Variants in RAC2 observed in about 807,000 individuals in gnomAD.
RAC2 encodes ras-related C3 botulinum toxin substrate 2.
Under a neutral mutation model 24.0 loss-of-function variants are expected in RAC2, and 1 was observed. The observed-to-expected ratio is 0.04, with a 90% CI of 0.01 to 0.20. The LOEUF is 0.20. Among genes scored for constraint, RAC2 ranks in the 10% least tolerant of loss-of-function variants. The pLI is 1.00. For missense variants in RAC2, 130 were observed against 259.1 expected, an observed-to-expected ratio of 0.50 and a Z score of 3.42; for synonymous variants, 114 against 106.8, an observed-to-expected ratio of 1.07 and a Z score of -0.41.
rs192595342 is a variant in RAC2, at chr22:37,236,071, C to T, written c.108-3153G>A. ...CACAGAGTTCCTTGGGAAGCCAGGA[C>T]ATCCTGGCTGTGTGACCCTGGGTGA... On this transcript the variant is annotated intron_variant, in intron 2 of 6. Coordinates refer to ENST00000249071, the MANE Select transcript of RAC2 (RefSeq NM_002872.5). Among the ~76,000 whole-genome samples, 8 of 152,324 alleles carry T rather than the reference C, an allele frequency of 5.3e-5. No individual in the cohort carries two copies. The East Asian group carries it at 1.5e-3, about 29-fold the overall frequency.
chr22:37,243,639 G>T (rs374379711), intron 1 of RAC2, among the ~76,000 whole-genome samples: 67 of 152,284 alleles, frequency 4.4e-4, no homozygotes, highest in African/African-American at 1.5e-3. Context: ...CCAGGGCATA[G>T]GCCTCCTCCC....
At chr22:37,234,901 C>T (rs924581960) in intron 2 of RAC2, among the ~76,000 whole-genome samples, 4 of 152,214 alleles carry the variant, frequency 2.6e-5, no homozygotes, top group African/African-American at 9.6e-5. Flanking sequence ...TCTGGCGGAG[C>T]TTCGTCGTCC....
intron 2 of RAC2, 73 bp from the exon 3 acceptor site, chr22:37,232,991 A>C: frequency 2.6e-6 from 3 of 1,164,638 alleles, no homozygotes; most frequent in South Asian, 1.2e-5. Flanking sequence ...GTCCAGCTCC[A>C]TGTCATTCCT....
chr22:37,230,062 A>G (rs2284037), intron 5 of RAC2, among the ~76,000 whole-genome samples: 61,010 of 151,814 alleles, frequency 0.4, 12,325 homozygotes, highest in African/African-American at 0.45. Context: ...AATCCTTGAT[A>G]TTTAAAAGGA....
intron 2 of RAC2, 39 bp downstream of exon 2, chr22:37,241,548 C>A: frequency 6.3e-7 from 1 of 1,585,804 alleles, no homozygotes; most frequent in Admixed American, 1.7e-5. Flanking sequence ...GACGGTCTCT[C>A]CCCTCCTCCC....
In RAC2 at chr22:37,244,263, G is replaced by T; in HGVS notation, c.-115C>A. ...CCTGCTGAGGAGCAGCGGTGGTGGG[G>T]CAGGAGGAAACGGAAGGGGAACTTA... is the stretch of plus-strand genomic sequence containing the variant. On this transcript the variant is annotated 5_prime_UTR_variant, in exon 1 of 7. Coordinates refer to ENST00000249071, the MANE Select transcript of RAC2 (RefSeq NM_002872.5). The T allele has an allele frequency of 8.2e-7, 1 of 1,215,402 alleles. No homozygotes were observed. Among genetic ancestry groups the T allele is most frequent in the Non-Finnish European group, 1.2e-6 (1 of 844,078 alleles). The allele number at this position is 1,215,402 out of a possible 1,614,324, so 75.3% of individuals were successfully genotyped here.
chr22:37,226,942 T>TC, intron 5 of RAC2, 139 bp from the exon 6 acceptor site: 5 of 904,406 alleles, frequency 5.5e-6, no homozygotes, highest in Non-Finnish European at 6.2e-6. Flanking sequence ...CCATACACCC[T>TC]CCCGTGCCAT....
At position 37,231,991 on chromosome 22, in the gene RAC2, C is replaced by T. The variant is rs578052035; in HGVS notation, c.229G>A (p.Val77Ile). The change falls in exon 4 of 7, where the codon GTC (valine) becomes ATC (isoleucine). Residue 77 changes from valine to isoleucine, a missense_variant. Physicochemically the swap from Val to Ile is conservative, Grantham distance 29. Around this residue, in one of 2 missense-constraint regions of RAC2, gnomAD observed 119 missense variants for 192.1 expected, o/e 0.62. Coordinates refer to ENST00000249071, the MANE Select transcript of RAC2 (RefSeq NM_002872.5). This position sits in a 1 kb window ranked among gnomAD's most constrained non-coding sequence, Gnocchi z 5.5. ...LRPLSYPQTD[V>I]FLICFSLVSP... ...ACGAGGGAGAAGCAGATGAGGAAGA[C>T]GTCCTGGGGACAGAGCAAGCGAGGT... 13 of 1,545,098 alleles carry T rather than the reference C, an allele frequency of 8.4e-6. No homozygotes were observed. The highest frequency in any genetic ancestry group is 4.3e-5 in the African/African-American group (3 of 69,224).
intron 2 of RAC2, among the ~76,000 whole-genome samples, chr22:37,233,214 G>A (rs1020626122): frequency 6.6e-6 from 1 of 152,126 alleles, no homozygotes; most frequent in Non-Finnish European, 1.5e-5. Context: ...TTTCCTCCCA[G>A]TCTTGATGAG....
At chr22:37,236,450 G>A (rs923524208) in intron 2 of RAC2, among the ~76,000 whole-genome samples, 2 of 152,252 alleles carry the variant, frequency 1.3e-5, no homozygotes, top group Non-Finnish European at 2.9e-5. Flanking sequence ...CTTACAGAGA[G>A]GAAGGGACTT....
chr22:37,239,741 G>A (rs1180336738), intron 2 of RAC2, among the ~76,000 whole-genome samples: 1 of 152,170 alleles, frequency 6.6e-6, no homozygotes, highest in Non-Finnish European at 1.5e-5. Context: ...CACAAAGGCG[G>A]GACAAGGTCT....
At chr22:37,243,357 A>C (rs994768515) in intron 1 of RAC2, among the ~76,000 whole-genome samples, 6 of 152,108 alleles carry the variant, frequency 3.9e-5, no homozygotes, top group African/African-American at 1.4e-4. Context: ...AGACAGCCTG[A>C]AGTCACTGGG....
intron 2 of RAC2, among the ~76,000 whole-genome samples, chr22:37,238,528 C>T (rs1040422882): frequency 6.6e-6 from 1 of 152,250 alleles, no homozygotes; most frequent in Non-Finnish European, 1.5e-5. Flanking sequence ...GCATGAGCCA[C>T]GGCGCCCAGC....
In RAC2 at chr22:37,231,442, G is replaced by T; in HGVS notation, c.289-52C>A. 6.4e-7 allele frequency: 1 copy of T among 1,566,882 alleles called. No homozygotes were observed. The highest frequency in any genetic ancestry group is 8.8e-7 in the Non-Finnish European group (1 of 1,141,120). On this transcript the variant is annotated intron_variant, in intron 4 of 6. Coordinates refer to ENST00000249071, the MANE Select transcript of RAC2 (RefSeq NM_002872.5). This position sits in a 1 kb window ranked among gnomAD's most constrained non-coding sequence, Gnocchi z 5.5. Reference sequence around the variant, plus strand: ...GGTTGTATGGGTCAAGAGGGGGCGCGAGGCTGTGCGGGGATCAGAGGGAGT... The same window carrying T: ...GGTTGTATGGGTCAAGAGGGGGCGCTAGGCTGTGCGGGGATCAGAGGGAGT...
intron 5 of RAC2, among the ~76,000 whole-genome samples, chr22:37,228,252 A>G (rs1267306184): frequency 2.0e-5 from 3 of 152,080 alleles, no homozygotes; most frequent in Non-Finnish European, 4.4e-5. Context: ...GGCATTGGAG[A>G]GCTCCTCTGT....
At position 37,231,543 on chromosome 22, in the gene RAC2, C is replaced by A. The variant is rs141269495; in HGVS notation, c.289-153G>T. On this transcript the variant is annotated intron_variant, in intron 4 of 6. Transcript: ENST00000249071. The surrounding 1 kb of genome is among the most constrained non-coding windows in gnomAD (Gnocchi z 5.5). Reference sequence around the variant, plus strand: ...GGGCACGACGGTGAGGAGAGAGAGACGTGAGGTGGCACAGGGAGGGGAGGC... The same window carrying A: ...GGGCACGACGGTGAGGAGAGAGAGAAGTGAGGTGGCACAGGGAGGGGAGGC... 5.8e-6 allele frequency: 4 copies of A among 695,154 alleles called. No homozygotes were observed. The highest frequency in any genetic ancestry group is 4.9e-6 in the Non-Finnish European group (2 of 409,286). The allele number at this position is 695,154 out of a possible 1,614,324, so 43.1% of individuals were successfully genotyped here.
chr22:37,235,029 C>T (rs554622316), intron 2 of RAC2, among the ~76,000 whole-genome samples: 7 of 152,248 alleles, frequency 4.6e-5, no homozygotes, highest in African/African-American at 1.2e-4. Context: ...TGGGCCAGGC[C>T]GATGCCTGCT....
intron 2 of RAC2, among the ~76,000 whole-genome samples, chr22:37,240,117 G>A (rs1489967036): frequency 6.6e-6 from 1 of 152,194 alleles, no homozygotes; most frequent in African/African-American, 2.4e-5. Flanking sequence ...GTCCCGGGGA[G>A]AGACAGCAGC....
chr22:37,234,028 C>T (rs758935726), intron 2 of RAC2, among the ~76,000 whole-genome samples: 18 of 152,198 alleles, frequency 1.2e-4, no homozygotes, highest in Non-Finnish European at 1.3e-4. Context: ...AGGCACTGAC[C>T]TTGACTCCCA....
Sources: gnomAD v4.1 joint callset for allele counts (sites outside exome capture counted in the v4.1 genomes callset) on GRCh38, gnomAD v4.1.1 for gene constraint, gnomAD v4.1.1 regional missense constraint, Gnocchi (gnomAD v3.1) non-coding constraint, MANE v1.5 for transcripts, NCBI Gene and HGNC (gene_info 2026-07-23, HGNC 2026-07-21) for gene names.